ERBB4: variants seen among roughly 807,000 people sequenced by gnomAD.
ERBB4 encodes erb-b2 receptor tyrosine kinase 4.
ERBB4 carries 42 observed loss-of-function variants against 158.0 expected under a neutral mutation model. The observed-to-expected ratio is 0.27, with a 90% confidence interval of 0.21 to 0.34. The LOEUF is 0.34. ERBB4 is among the 10% of genes least tolerant of loss of function. The probability of loss-of-function intolerance (pLI) is 1.00; values close to 1 mark genes in which losing one functional copy is unlikely to be tolerated. For synonymous variants in ERBB4, 583 were observed against 558.7 expected, an observed-to-expected ratio of 1.04 and a Z score of -0.61; for missense variants, 1,333 against 1,624.1, an observed-to-expected ratio of 0.82 and a Z score of 3.08.
intron 3 of ERBB4, among the ~76,000 whole-genome samples, chr2:211,911,969 A>C (rs2079550990): frequency 6.6e-6 from 1 of 152,170 alleles, no homozygotes; most frequent in Non-Finnish European, 1.5e-5. Flanking sequence ...AGCCAGCTTT[A>C]GAGTGCATCT....
chr2:212,423,795 C>T (rs1400924759), intron 1 of ERBB4, among the ~76,000 whole-genome samples: 1 of 151,962 alleles, frequency 6.6e-6, no homozygotes, highest in African/African-American at 2.4e-5. Context: ...CAAACAGAAC[C>T]CTTCATTAAG....
chr2:212,538,047 C>G (rs1057295384), intron 1 of ERBB4, among the ~76,000 whole-genome samples: 2 of 151,974 alleles, frequency 1.3e-5, no homozygotes, highest in African/African-American at 4.8e-5. Context: ...CAGCACCGCC[C>G]CAGGACCGCG....
chr2:212,120,803 T>C (rs186252236), intron 2 of ERBB4, among the ~76,000 whole-genome samples: 167 of 152,310 alleles, frequency 1.1e-3, no homozygotes, highest in African/African-American at 4.0e-3. Flanking sequence ...AAAACCATTA[T>C]AAGAAATTTG....
intron 20 of ERBB4, among the ~76,000 whole-genome samples, chr2:211,439,289 T>C (rs2063923710): frequency 6.6e-6 from 1 of 152,188 alleles, no homozygotes; most frequent in Non-Finnish European, 1.5e-5. Flanking sequence ...GCCAGGCAAA[T>C]TTCAAGTTGT....
intron 1 of ERBB4, among the ~76,000 whole-genome samples, chr2:212,376,175 C>T (rs1021454887): frequency 6.6e-6 from 1 of 152,012 alleles, no homozygotes; most frequent in Non-Finnish European, 1.5e-5. Context: ...ACCATTGTGC[C>T]CAGATCAGCT....
Position 211,666,802 on chromosome 2 carries a change from T to C in ERBB4, c.1717-1325A>G, listed in dbSNP as rs547800144. On this transcript the variant is annotated intron_variant, in intron 14 of 27. Transcript: ENST00000342788. Reference sequence around the variant, plus strand: ...CTAAAATCTGGCTATGTCCATAGGGTTCAACAATCATTATAGTTCACATGG... The same window carrying C: ...CTAAAATCTGGCTATGTCCATAGGGCTCAACAATCATTATAGTTCACATGG... Among the ~76,000 whole-genome samples, 7 of 152,250 alleles carry C rather than the reference T, an allele frequency of 4.6e-5. No homozygotes were observed. The East Asian group carries it at 1.4e-3, about 29-fold the overall frequency.
intron 1 of ERBB4, among the ~76,000 whole-genome samples, chr2:212,423,523 C>A (rs906598192): frequency 6.6e-6 from 1 of 152,154 alleles, no homozygotes; most frequent in Non-Finnish European, 1.5e-5. Flanking sequence ...AAAGCAGCAA[C>A]TAAGTATGAC....
At chr2:211,589,573 C>G (rs2068397889) in intron 19 of ERBB4, among the ~76,000 whole-genome samples, 1 of 152,076 alleles carries the variant, frequency 6.6e-6, no homozygotes, top group Non-Finnish European at 1.5e-5. Flanking sequence ...AAAATGTTTT[C>G]AATCAGTTCC....
chr2:211,522,863 G>C (rs1375913695), intron 20 of ERBB4, among the ~76,000 whole-genome samples: 1 of 151,884 alleles, frequency 6.6e-6, no homozygotes, highest in Non-Finnish European at 1.5e-5. Flanking sequence ...CATAACTTTT[G>C]TACTGGGAAA....
rs55915612 is a variant in ERBB4, at chr2:211,428,244, T to TAAAATAAAATA, written c.2719+163_2719+164insTATTTTATTTT. Among the ~76,000 whole-genome samples the TAAAATAAAATA allele has an allele frequency of 4.2e-3, 544 of 129,570 alleles. 10 individuals are homozygous for TAAAATAAAATA. The South Asian group carries it at 0.046, about 11-fold the overall frequency. The allele number at this position is 129,570 out of a possible 152,430, so 85.0% of individuals were successfully genotyped here. On this transcript the variant is annotated intron_variant, in intron 22 of 27. Transcript: ENST00000342788. ...AAATAAAATAAAATAAAATAAAATA[T>TAAAATAAAATA]TTTTTTTTCATTGAGAAAGCAAAGA... is the stretch of plus-strand genomic sequence containing the variant.
At chr2:211,833,659 T>A (rs572104766) in intron 3 of ERBB4, among the ~76,000 whole-genome samples, 1 of 151,916 alleles carries the variant, frequency 6.6e-6, no homozygotes, top group Non-Finnish European at 1.5e-5. Context: ...AGGATACTCA[T>A]GTTGGATTCT....
At chr2:211,480,821 T>C (rs1055833440) in intron 20 of ERBB4, among the ~76,000 whole-genome samples, 5 of 152,218 alleles carry the variant, frequency 3.3e-5, no homozygotes, top group African/African-American at 1.2e-4. Flanking sequence ...TTGAGGGAAG[T>C]AGCTTCCATG....
In ERBB4 at chr2:212,067,943, T is replaced by C. The variant is rs566598753; in HGVS notation, c.234+56809A>G. Reference sequence around the variant, plus strand: ...ACAATCAATGACACTTGTACAAAAATAAATACATTGGGTACTATATAGACT... The same window carrying C: ...ACAATCAATGACACTTGTACAAAAACAAATACATTGGGTACTATATAGACT... On this transcript the variant is annotated intron_variant, in intron 2 of 27. Transcript: ENST00000342788. 4.6e-5 allele frequency among the ~76,000 whole-genome samples: 7 copies of C among 152,130 alleles called. No individual in the cohort carries two copies. In the South Asian group the frequency reaches 1.5e-3, roughly 32 times the overall value.
intron 3 of ERBB4, among the ~76,000 whole-genome samples, chr2:211,870,351 G>A (rs965436535): frequency 3.9e-5 from 6 of 152,060 alleles, no homozygotes; most frequent in African/African-American, 1.4e-4. Flanking sequence ...TACCTTAGTT[G>A]TGGAATTGTA....
chr2:211,874,116 G>A (rs2078430733), intron 3 of ERBB4, among the ~76,000 whole-genome samples: 1 of 152,038 alleles, frequency 6.6e-6, no homozygotes, highest in Non-Finnish European at 1.5e-5. Context: ...AATGAGCCAT[G>A]ATCACATCAC....
In ERBB4 at chr2:212,349,287, T is replaced by TCACACACACACA. The variant is rs3040350; in HGVS notation, c.82+189150_82+189161dup. The stretch of plus-strand genomic sequence containing the variant: ...TAAAACTAAGAGTTCAACTTCTTAA[T>TCACACACACACA]CACACACACACACACACACACACAC... On this transcript the variant is annotated intron_variant, in intron 1 of 27. Transcript: ENST00000342788. 6.0e-3 allele frequency among the ~76,000 whole-genome samples: 880 copies of TCACACACACACA among 146,448 alleles called. 2 individuals are homozygous for TCACACACACACA. The highest frequency in any genetic ancestry group is 9.1e-3 in the Non-Finnish European group (603 of 66,444).
chr2:212,119,996 T>C (rs73071214), intron 2 of ERBB4, among the ~76,000 whole-genome samples: 2,680 of 152,206 alleles, frequency 0.018, 73 homozygotes, highest in African/African-American at 0.061. Flanking sequence ...AAGGAAACAA[T>C]CTTTTTCTAG....
intron 19 of ERBB4, among the ~76,000 whole-genome samples, chr2:211,582,366 T>G (rs1489518669): frequency 6.6e-6 from 1 of 152,136 alleles, no homozygotes; most frequent in Non-Finnish European, 1.5e-5. Context: ...CTTCCAGAAC[T>G]CTCCAAAGAA....
chr2:212,180,440 A>G (rs1454332569), intron 1 of ERBB4, among the ~76,000 whole-genome samples: 1 of 151,788 alleles, frequency 6.6e-6, no homozygotes, highest in East Asian at 1.9e-4. Context: ...TGCAGAGGCA[A>G]TAACTCCTCT....
Sources: gnomAD v4.1 joint callset for allele counts (sites outside exome capture counted in the v4.1 genomes callset) on GRCh38, gnomAD v4.1.1 for gene constraint, MANE v1.5 for transcripts, NCBI Gene and HGNC (gene_info 2026-07-23, HGNC 2026-07-21) for gene names.